Variants in TYK2 observed in about 807,000 individuals in gnomAD.
TYK2 encodes tyrosine kinase 2.
TYK2 carries 65 observed loss-of-function variants against 130.9 expected under a neutral mutation model. The observed-to-expected ratio is 0.50, with a 90% confidence interval of 0.41 to 0.61. The LOEUF (loss-of-function observed/expected upper bound fraction) is 0.61. Among genes scored for constraint, TYK2 ranks in the 20% least tolerant of loss-of-function variants. The pLI is 0.00. For missense variants in TYK2, 1,378 were observed against 1,610.7 expected (o/e 0.86, Z 2.47); for synonymous variants, 647 against 658.9 (o/e 0.98, Z 0.28).
intron 2 of TYK2, among the ~76,000 whole-genome samples, chr19:10,378,781 G>A (rs1000073948): frequency 3.3e-5 from 5 of 152,176 alleles, no homozygotes; most frequent in African/African-American, 9.6e-5. Context: ...AGGAGCTCGA[G>A]ACCAGCCTAG....
chr19:10,355,516 T>C lies in TYK2; in HGVS notation c.2618-907A>G, dbSNP rs12720314. On this transcript the variant is annotated intron_variant, in intron 18 of 24. Transcript: ENST00000525621. Reference sequence around the variant, plus strand: ...TTAGCTGGGTGTGGTGGTGGACGCCTGTAATCCCAGCTACTCGGGAGGCTG... The same window carrying C: ...TTAGCTGGGTGTGGTGGTGGACGCCCGTAATCCCAGCTACTCGGGAGGCTG... 2.8e-3 allele frequency among the ~76,000 whole-genome samples: 427 copies of C among 151,468 alleles called. 2 individuals are homozygous for C. The highest frequency in any genetic ancestry group is 8.9e-3 in the African/African-American group (366 of 41,278).
At chr19:10,368,578 T>C (rs1379513980) in intron 3 of TYK2, 160 bp from the exon 4 acceptor site, 1 of 1,011,548 alleles carries the variant, frequency 9.9e-7, no homozygotes, top group Admixed American at 2.2e-5. Flanking sequence ...ACAGTGCGTA[T>C]GTTGCCCATG....
chr19:10,356,375 T>C (rs1465110986), intron 18 of TYK2, among the ~76,000 whole-genome samples, 193 bp downstream of exon 18: 1 of 152,108 alleles, frequency 6.6e-6, no homozygotes, highest in Non-Finnish European at 1.5e-5. Context: ...CAAGATTCCA[T>C]TGCAAATAAA....
At position 10,362,152 on chromosome 19, in the gene TYK2, C is replaced by G. The variant is rs1314158344; in HGVS notation, c.1699G>C (p.Ala567Pro). ...TTGAGTGTCCTGGGGCTGGCCCGAG[C>G]CCCCCGCATGATGATGAGATTGGAG... ...ETSNLIIMRG[A>P]RASPRTLNLS... The change falls in exon 12 of 25, where the codon GCT (alanine) becomes CCT (proline). Residue 567 changes from alanine to proline, a missense_variant. Coordinates refer to ENST00000525621, the MANE Select transcript of TYK2 (RefSeq NM_003331.5). The G allele has an allele frequency of 3.1e-6, 5 of 1,613,858 alleles. No individual in the cohort carries two copies. The highest frequency in any genetic ancestry group is 4.2e-6 in the Non-Finnish European group (5 of 1,179,974).
chr19:10,376,909 CT>C (rs1174067558), intron 3 of TYK2, among the ~76,000 whole-genome samples: 6 of 151,500 alleles, frequency 4.0e-5, no homozygotes, highest in Non-Finnish European at 4.4e-5. Flanking sequence ...GCCTGACTTT[CT>C]TTTTTTAATG....
At chr19:10,371,716 G>A (rs188462499) in intron 3 of TYK2, among the ~76,000 whole-genome samples, 34 of 152,162 alleles carry the variant, frequency 2.2e-4, no homozygotes, top group Non-Finnish European at 4.0e-4. Flanking sequence ...TTCAGGCTAC[G>A]AGAGGTTATA....
In TYK2 at chr19:10,353,404, G is replaced by A; in HGVS notation, c.3027+124C>T. On this transcript the variant is annotated intron_variant, in intron 21 of 24. Coordinates refer to ENST00000525621, the MANE Select transcript of TYK2 (RefSeq NM_003331.5). This position sits in a 1 kb window ranked among gnomAD's most constrained non-coding sequence, Gnocchi z 6.9. The stretch of plus-strand genomic sequence containing the variant: ...CAAACAGTTCGGAGGTCAGTGCAAG[G>A]ACAAGACAGCCTGGGCAAACGAGCA... 1 of 723,870 alleles carries A rather than the reference G, an allele frequency of 1.4e-6. No homozygotes were observed. Among genetic ancestry groups the A allele is most frequent in the Non-Finnish European group, 2.2e-6 (1 of 459,278 alleles). 44.8% of individuals were successfully genotyped at this position (723,870 alleles called of 1,614,324 possible).
intron 1 of TYK2, 87 bp downstream of exon 1, chr19:10,380,293 C>G (rs1239349139): frequency 6.6e-6 from 1 of 152,444 alleles, no homozygotes; most frequent in Non-Finnish European, 1.5e-5. Flanking sequence ...GTGAAGTTTG[C>G]AACTGGGAAG....
chr19:10,359,804 C>G (rs1599339976), intron 14 of TYK2, among the ~76,000 whole-genome samples: 1 of 151,724 alleles, frequency 6.6e-6, no homozygotes, highest in East Asian at 1.9e-4. Flanking sequence ...ATGGTGAAAC[C>G]CCAACTCTAC....
chr19:10,364,793 G>T lies in TYK2; in HGVS notation c.1210-22C>A. The T allele has an allele frequency of 6.2e-7, 1 of 1,614,032 alleles. No homozygotes were observed. The highest frequency in any genetic ancestry group is 8.5e-7 in the Non-Finnish European group (1 of 1,180,048). On this transcript the variant is annotated intron_variant, in intron 8 of 24. Transcript: ENST00000525621. This position sits in a 1 kb window ranked among gnomAD's most constrained non-coding sequence, Gnocchi z 4.9. ...GCTCCTGCCAGCCAGGGGCGCATCA[G>T]GTGGGTGTCCTCCCAGGCCATGATG... is the stretch of plus-strand genomic sequence containing the variant.
In TYK2 at chr19:10,366,598, A is replaced by G. The variant is rs749872721; in HGVS notation, c.466-18T>C. 4.5e-5 allele frequency: 73 copies of G among 1,613,894 alleles called. No homozygotes were observed. Among genetic ancestry groups the G allele is most frequent in the Non-Finnish European group, 5.7e-5 (67 of 1,180,006 alleles). ...TGCTTGCCCTGGGAACAGGAAATTG[A>G]GCAGAAAGGGAGGTGTGAGAATGCG... On this transcript the variant is annotated intron_variant, in intron 5 of 24. Transcript: ENST00000525621.
chr19:10,353,637 G>T lies in TYK2; in HGVS notation c.2918C>A (p.Ser973Ter). The change falls in exon 21 of 25, where the codon TCG becomes TAG. Residue 973 changes from serine to a stop codon, truncating the protein, a stop_gained. Transcript: ENST00000525621. LOFTEE classifies it high-confidence loss of function. This position sits in a 1 kb window ranked among gnomAD's most constrained non-coding sequence, Gnocchi z 6.9. Reference sequence around the variant, plus strand: ...CACGTACTCCATGACCAGCTGCAGCGACTTCTCGCCTGCCGCGGAGAGGGG... The same window carrying T: ...CACGTACTCCATGACCAGCTGCAGCTACTTCTCGCCTGCCGCGGAGAGGGG... Reference protein sequence around the residue: ...KGCCEDQGEKSLQLVMEYVPL... With the variant: ...KGCCEDQGEK The T allele has an allele frequency of 6.8e-7, 1 of 1,470,498 alleles. No homozygotes were observed. The highest frequency in any genetic ancestry group is 9.0e-7 in the Non-Finnish European group (1 of 1,110,304). The allele number at this position is 1,470,498 out of a possible 1,614,324, so 91.1% of individuals were successfully genotyped here.
rs768654573 is a variant in TYK2 at position 10,362,312 on chromosome 19, C to A, written c.1621G>T (p.Gly541Trp). Reference sequence around the variant, plus strand: ...CGACGCAGAGAGAAGCAGTCATCCCCGGCCCTCAGCAAGCAGCCCTGCAAG... The same window carrying A: ...CGACGCAGAGAGAAGCAGTCATCCCAGGCCCTCAGCAAGCAGCCCTGCAAG... ...AALQGCLLRAGDDCFSLRRCC... is the reference protein window; with the variant it reads ...AALQGCLLRAWDDCFSLRRCC... The change falls in exon 11 of 25, where the codon GGG becomes TGG. Residue 541 changes from glycine (G) to tryptophan (W), a missense_variant. Gly to Trp is a radical substitution (Grantham distance 184). Transcript: ENST00000525621. The A allele has an allele frequency of 2.5e-6, 4 of 1,614,044 alleles. No individual in the cohort carries two copies. Among genetic ancestry groups the A allele is most frequent in the Non-Finnish European group, 3.4e-6 (4 of 1,180,034 alleles).
At chr19:10,360,845 T>C (rs2041364838) in intron 14 of TYK2, 1 of 213,272 alleles carries the variant, frequency 4.7e-6, no homozygotes, top group Non-Finnish European at 9.7e-6. Context: ...CTTGAACTCC[T>C]GGGCTCAAGT....
In TYK2 at chr19:10,357,993, A is replaced by G. The variant is rs752102658; in HGVS notation, c.2311+10T>C. 5.0e-6 allele frequency: 8 copies of G among 1,613,482 alleles called. No individual in the cohort carries two copies. Among genetic ancestry groups the G allele is most frequent in the Admixed American group, 3.3e-5 (2 of 60,024 alleles). On this transcript the variant is annotated intron_variant, in intron 16 of 24. Coordinates refer to ENST00000525621, the MANE Select transcript of TYK2 (RefSeq NM_003331.5). The stretch of plus-strand genomic sequence containing the variant: ...CCCCCCACTGTGCCCAGGTCCCCTC[A>G]GGTACTCACCCTCCCTGGAGAGGGC...
Position 10,361,593 on chromosome 19 carries a change from G to T in TYK2, c.1965C>A (p.Phe655Leu). 1.3e-6 allele frequency: 2 copies of T among 1,549,250 alleles called. No homozygotes were observed. The change falls in exon 14 of 25, where the codon TTC becomes TTA. Residue 655 changes from phenylalanine to leucine, a missense_variant. Physicochemically the swap from Phe to Leu is conservative, Grantham distance 22. Coordinates refer to ENST00000525621, the MANE Select transcript of TYK2 (RefSeq NM_003331.5). This position sits in a 1 kb window ranked among gnomAD's most constrained non-coding sequence, Gnocchi z 4.0. ...GGCTCATGAGGCTGGCTGTCTCGTA[G>T]AAGGCCTGTGGGGACCGGGCAGGTC... ...DPSHHDIALA[F>L]YETASLMSQV...
chr19:10,368,273 C>T (rs748387551), intron 4 of TYK2, 22 bp downstream of exon 4: 4 of 1,614,168 alleles, frequency 2.5e-6, no homozygotes, highest in Non-Finnish European at 3.4e-6. Context: ...AGGGGACGAG[C>T]TTTGCAAAGG....
intron 3 of TYK2, among the ~76,000 whole-genome samples, chr19:10,372,738 C>T (rs1049078548): frequency 8.6e-5 from 13 of 150,514 alleles, no homozygotes; most frequent in African/African-American, 2.7e-4. Context: ...TGATCCTCCA[C>T]GCTTAGCCTC....
rs574376399 is a variant in TYK2 at position 10,374,110 on chromosome 19, C to A, written c.193+4104G>T. 1.8e-3 allele frequency among the ~76,000 whole-genome samples: 275 copies of A among 151,982 alleles called. 2 individuals carry two copies. Among genetic ancestry groups the A allele is most frequent in the African/African-American group, 6.4e-3 (266 of 41,480 alleles). On this transcript the variant is annotated intron_variant, in intron 3 of 24. Transcript: ENST00000525621. The stretch of plus-strand genomic sequence containing the variant: ...TGAAACCCTGTCTCTACTAAAAATA[C>A]AAAAAATTAGCCAGGCGTGGTGGTG...
Sources: allele counts gnomAD v4.1 joint callset (sites outside exome capture counted in the v4.1 genomes callset), GRCh38; gene constraint gnomAD v4.1.1; non-coding constraint Gnocchi (gnomAD v3.1); transcripts MANE v1.5; gene names NCBI Gene and HGNC (gene_info 2026-07-23, HGNC 2026-07-21).